PDE10A: variants seen among roughly 807,000 people sequenced by gnomAD.
PDE10A encodes the protein phosphodiesterase 10A.
PDE10A carries 39 observed loss-of-function variants against 97.7 expected under a neutral mutation model. The ratio of observed to expected loss-of-function variants is 0.40; its 90% CI spans 0.31 to 0.52. The LOEUF (loss-of-function observed/expected upper bound fraction) is 0.52. PDE10A is among the 20% of genes least tolerant of loss of function. PDE10A has a pLI of 0.56. For synonymous variants in PDE10A, 371 were observed against 376.8 expected, an observed-to-expected ratio of 0.98 and a Z score of 0.18; for missense variants, 731 against 1,047.8, an observed-to-expected ratio of 0.70 and a Z score of 4.17.
rs147997014 is a variant in PDE10A, at chr6:165,577,200, G to A, written c.866-33632C>T. On this transcript the variant is annotated intron_variant, in intron 1 of 21. Coordinates refer to ENST00000539869, the MANE Select transcript of PDE10A (RefSeq NM_001385079.1). ...CTGAAGCAGGTTTCTCTTACTTGCA[G>A]CCAAAAGGTGCTCTAACTGAACAGC... Among the ~76,000 whole-genome samples the A allele has an allele frequency of 5.0e-3, 761 of 152,296 alleles. 3 individuals are homozygous for A. Among genetic ancestry groups the A allele is most frequent in the African/African-American group, 8.8e-3 (366 of 41,554 alleles).
intron 16 of PDE10A, 73 bp downstream of exon 16, chr6:165,392,573 T>C (rs1583183581): frequency 7.2e-7 from 1 of 1,398,272 alleles, no homozygotes; most frequent in East Asian, 2.3e-5. Flanking sequence ...ATCCATGTCA[T>C]CAATGTGCTC....
At chr6:165,518,122 C>G (rs774132475) in intron 2 of PDE10A, among the ~76,000 whole-genome samples, 11 of 152,152 alleles carry the variant, frequency 7.2e-5, no homozygotes, top group Non-Finnish European at 1.2e-4. Flanking sequence ...TCTGATGTTG[C>G]TAGAAAACAC....
intron 18 of PDE10A, among the ~76,000 whole-genome samples, chr6:165,347,205 C>A (rs1782372772): frequency 6.6e-6 from 1 of 151,982 alleles, no homozygotes; most frequent in East Asian, 1.9e-4. Context: ...AAAATGTGAC[C>A]TATTTTGAGT....
intron 1 of PDE10A, among the ~76,000 whole-genome samples, chr6:165,957,489 A>G (rs912076159): frequency 1.3e-5 from 2 of 152,196 alleles, no homozygotes; most frequent in Admixed American, 6.5e-5. Flanking sequence ...AAAAAAATAC[A>G]GAAAACAAAA....
chr6:165,799,904 A>T (rs1350912651), intron 1 of PDE10A, among the ~76,000 whole-genome samples: 1 of 152,206 alleles, frequency 6.6e-6, no homozygotes, highest in Admixed American at 6.5e-5. Flanking sequence ...CGCTTTCTGC[A>T]GTTAGCCAGG....
chr6:165,582,294 G>A (rs931135273), intron 1 of PDE10A, among the ~76,000 whole-genome samples: 4 of 152,154 alleles, frequency 2.6e-5, no homozygotes, highest in Admixed American at 6.5e-5. Flanking sequence ...AATGAGGTAA[G>A]TGGAAATACA....
rs151270963 is a variant in PDE10A at position 165,328,271 on chromosome 6, A to C, written c.*4754T>G. 3.9e-4 allele frequency: 59 copies of C among 152,370 alleles called. No homozygotes were observed. The highest frequency in any genetic ancestry group is 1.4e-3 in the African/African-American group (58 of 41,578). 9.4% of individuals were successfully genotyped at this position (152,370 alleles called of 1,614,324 possible). A position where few individuals can be genotyped will look rare whatever the true frequency, so the allele number is the denominator to read the frequency against. On this transcript the variant is annotated 3_prime_UTR_variant, in exon 22 of 22. Transcript: ENST00000539869. ...TAGGACTGGGTATTAAGGTGACTAA[A>C]GAAAAAGACAAAGGCTGTAACGCCC... is the stretch of plus-strand genomic sequence containing the variant.
At chr6:165,727,342 G>A (rs759832302) in intron 1 of PDE10A, among the ~76,000 whole-genome samples, 9 of 152,200 alleles carry the variant, frequency 5.9e-5, no homozygotes, top group Admixed American at 5.9e-4. Flanking sequence ...CCAGTGTGCA[G>A]AGTTTGTGAG....
At chr6:165,372,889 C>A (rs938093457) in intron 18 of PDE10A, among the ~76,000 whole-genome samples, 1 of 151,916 alleles carries the variant, frequency 6.6e-6, no homozygotes, top group African/African-American at 2.4e-5. Context: ...AGAAACAGAT[C>A]AGTGGAACAG....
At chr6:165,913,617 G>A (rs1486806140) in intron 1 of PDE10A, among the ~76,000 whole-genome samples, 1 of 152,122 alleles carries the variant, frequency 6.6e-6, no homozygotes, top group Admixed American at 6.5e-5. Flanking sequence ...TGGCGTTTAT[G>A]GACCTGACTT....
At chr6:165,972,952 A>ACCCTCCTCTCCCCTCCATTCCCC (rs1784731687) in intron 1 of PDE10A, among the ~76,000 whole-genome samples, 1 of 149,234 alleles carries the variant, frequency 6.7e-6, no homozygotes, top group African/African-American at 2.5e-5. Context: ...CTCCATTCCC[A>ACCCTCCTCTCCCCTCCATTCCCC]CCCTCTCTCC....
At chr6:165,756,626 T>C (rs1793123246) in intron 1 of PDE10A, among the ~76,000 whole-genome samples, 1 of 152,202 alleles carries the variant, frequency 6.6e-6, no homozygotes. Flanking sequence ...ACGTAACTAG[T>C]TCCATGTTGA....
At chr6:165,872,008 CTGAG>C (rs1351807328) in intron 1 of PDE10A, among the ~76,000 whole-genome samples, 8 of 152,204 alleles carry the variant, frequency 5.3e-5, no homozygotes, top group Admixed American at 5.2e-4. Context: ...TGTGGAGGTG[CTGAG>C]TGTCAGAAGC....
At chr6:165,950,289 C>T (rs768075855) in intron 1 of PDE10A, among the ~76,000 whole-genome samples, 1 of 152,196 alleles carries the variant, frequency 6.6e-6, no homozygotes, top group East Asian at 1.9e-4. Context: ...TTTTAACAGG[C>T]TTTTATAGCT....
At chr6:165,981,183 G>T (rs1174174729) in intron 1 of PDE10A, among the ~76,000 whole-genome samples, 1 of 152,066 alleles carries the variant, frequency 6.6e-6, no homozygotes. Context: ...AGATCAAAAG[G>T]TGCTCTACAT....
intron 1 of PDE10A, among the ~76,000 whole-genome samples, chr6:165,844,781 T>C (rs1780364245): frequency 6.6e-6 from 1 of 152,226 alleles, no homozygotes; most frequent in Non-Finnish European, 1.5e-5. Context: ...AGCATGATAA[T>C]ACCAGCATCA....
intron 1 of PDE10A, among the ~76,000 whole-genome samples, chr6:165,889,009 C>CA (rs1554335894): frequency 6.6e-6 from 1 of 152,050 alleles, no homozygotes; most frequent in Non-Finnish European, 1.5e-5. Context: ...ATCTTGCATA[C>CA]TTTTTGTGTA....
intron 1 of PDE10A, among the ~76,000 whole-genome samples, chr6:165,748,229 C>A (rs1380748502): frequency 6.6e-6 from 1 of 152,194 alleles, no homozygotes; most frequent in Non-Finnish European, 1.5e-5. Flanking sequence ...CATTTCATGT[C>A]AATTCCTTTT....
intron 1 of PDE10A, among the ~76,000 whole-genome samples, chr6:165,584,385 G>C (rs1021228650): frequency 6.6e-6 from 1 of 152,046 alleles, no homozygotes; most frequent in East Asian, 1.9e-4. Flanking sequence ...CTTTGATTTG[G>C]TACTTTCCCA....
Sources: allele counts gnomAD v4.1 joint callset (sites outside exome capture counted in the v4.1 genomes callset), GRCh38; gene constraint gnomAD v4.1.1; transcripts MANE v1.5; gene names NCBI Gene and HGNC (gene_info 2026-07-23, HGNC 2026-07-21).